Variants in PRKCB observed in about 807,000 individuals in gnomAD.
The protein encoded by PRKCB is protein kinase C beta type.
A neutral mutation model predicts 81.5 loss-of-function variants in PRKCB; 13 were observed. The ratio of observed to expected loss-of-function variants is 0.16; its 90% CI spans 0.10 to 0.25. The LOEUF (loss-of-function observed/expected upper bound fraction) is 0.25. Among genes scored for constraint, PRKCB ranks in the 10% least tolerant of loss-of-function variants. The probability of loss-of-function intolerance (pLI) is 1.00; values close to 1 mark genes in which losing one functional copy is unlikely to be tolerated. For synonymous variants in PRKCB, 335 were observed against 321.4 expected, an observed-to-expected ratio of 1.04 and a Z score of -0.45; for missense variants, 509 against 875.7, an observed-to-expected ratio of 0.58 and a Z score of 5.29.
intron 9 of PRKCB, among the ~76,000 whole-genome samples, chr16:24,138,752 T>C (rs771833498): frequency 3.9e-5 from 6 of 151,980 alleles, no homozygotes; most frequent in Non-Finnish European, 7.4e-5. Context: ...CCATTTTCTC[T>C]ACTCCCAGCC....
intron 5 of PRKCB, among the ~76,000 whole-genome samples, chr16:24,090,356 C>T (rs79990710): frequency 0.049 from 7,418 of 152,254 alleles, 223 homozygotes; most frequent in East Asian, 0.11. Context: ...CTCATTTATT[C>T]GGTCTCAACC....
intron 2 of PRKCB, among the ~76,000 whole-genome samples, chr16:23,871,578 T>A (rs566547966): frequency 6.6e-6 from 1 of 152,000 alleles, no homozygotes; most frequent in African/African-American, 2.4e-5. Context: ...TTGTTTTTTT[T>A]ATCTTTTCTT....
rs188072780 is a variant in PRKCB at position 23,882,384 on chromosome 16, A to G, written c.205+44978A>G. 7.5e-3 allele frequency among the ~76,000 whole-genome samples: 1,134 copies of G among 150,584 alleles called. 9 individuals are homozygous for G. Among genetic ancestry groups the G allele is most frequent in the Middle Eastern group, 0.055 (16 of 292 alleles). ...CAGGTGCACACTACCATGCCCAGTTAATTTTTTTTCTTGATTTTTAATAGA... is the reference window on the plus strand; with the variant it reads ...CAGGTGCACACTACCATGCCCAGTTGATTTTTTTTCTTGATTTTTAATAGA... On this transcript the variant is annotated intron_variant, in intron 2 of 16. Coordinates refer to ENST00000643927, the MANE Select transcript of PRKCB (RefSeq NM_002738.7).
chr16:24,179,573 T>C lies in PRKCB; in HGVS notation c.1395-1217T>C, dbSNP rs185973234. Among the ~76,000 whole-genome samples the C allele has an allele frequency of 6.8e-3, 1,038 of 152,334 alleles. 6 individuals are homozygous for C. The highest frequency in any genetic ancestry group is 0.011 in the Non-Finnish European group (730 of 68,026). On this transcript the variant is annotated intron_variant, in intron 12 of 16. Transcript: ENST00000643927. Reference sequence around the variant, plus strand: ...TTTAGGGAGGAGGAAAGTGTGTTGATATTGGAGCAATCTTGTGTGCTAAAG... The same window carrying C: ...TTTAGGGAGGAGGAAAGTGTGTTGACATTGGAGCAATCTTGTGTGCTAAAG...
At chr16:23,976,554 A>T (rs1307856871) in intron 2 of PRKCB, among the ~76,000 whole-genome samples, 3 of 152,184 alleles carry the variant, frequency 2.0e-5, no homozygotes, top group Non-Finnish European at 4.4e-5. Flanking sequence ...TGAGCCAGTG[A>T]AGAGCGATTC....
At chr16:24,093,535 T>C (rs960646862) in intron 6 of PRKCB, among the ~76,000 whole-genome samples, 1 of 152,230 alleles carries the variant, frequency 6.6e-6, no homozygotes, top group Admixed American at 6.5e-5. Flanking sequence ...TTATTCCCAA[T>C]GTAGCAATAG....
intron 5 of PRKCB, among the ~76,000 whole-genome samples, chr16:24,056,772 C>G (rs551335118): frequency 1.3e-5 from 2 of 152,300 alleles, no homozygotes; most frequent in African/African-American, 4.8e-5. Flanking sequence ...AGTCCCTCAC[C>G]AGAAGTGGAT....
chr16:24,055,483 G>C (rs1486737175), intron 5 of PRKCB, among the ~76,000 whole-genome samples: 1 of 152,236 alleles, frequency 6.6e-6, no homozygotes, highest in Non-Finnish European at 1.5e-5. Flanking sequence ...TCTGGCCCTT[G>C]CTGGATGCCT....
chr16:23,872,383 C>T (rs943833738), intron 2 of PRKCB, among the ~76,000 whole-genome samples: 1 of 152,072 alleles, frequency 6.6e-6, no homozygotes, highest in Non-Finnish European at 1.5e-5. Context: ...TTAGCTGGTG[C>T]GGTCGTGTGC....
At chr16:23,881,563 T>C (rs957846621) in intron 2 of PRKCB, among the ~76,000 whole-genome samples, 1 of 152,146 alleles carries the variant, frequency 6.6e-6, no homozygotes, top group Admixed American at 6.5e-5. Flanking sequence ...CATTCCCGTT[T>C]TTTAAAAAAA....
chr16:23,978,980 A>T (rs1373979892), intron 2 of PRKCB, among the ~76,000 whole-genome samples: 1 of 152,220 alleles, frequency 6.6e-6, no homozygotes, highest in Non-Finnish European at 1.5e-5. Context: ...GCAGGGAAAT[A>T]ATATCAAAGC....
At chr16:23,893,920 A>G (rs894680103) in intron 2 of PRKCB, 3 of 152,210 alleles carry the variant, frequency 2.0e-5, no homozygotes, top group Non-Finnish European at 2.9e-5. Context: ...TTCATGTATT[A>G]GTTAGGTTTT....
rs550182905 is a variant in PRKCB at position 23,860,502 on chromosome 16, T to A, written c.205+23096T>A. 1.7e-3 allele frequency among the ~76,000 whole-genome samples: 252 copies of A among 152,292 alleles called. 1 individual carries two copies. Among genetic ancestry groups the A allele is most frequent in the African/African-American group, 5.8e-3 (242 of 41,556 alleles). ...AGTTGTTAATACAGGGGTGCATTTT[T>A]AAAATATCTGAAGTATGTTACTGGT... On this transcript the variant is annotated intron_variant, in intron 2 of 16. Coordinates refer to ENST00000643927, the MANE Select transcript of PRKCB (RefSeq NM_002738.7).
At chr16:23,959,535 C>T (rs1028375011) in intron 2 of PRKCB, among the ~76,000 whole-genome samples, 2 of 152,224 alleles carry the variant, frequency 1.3e-5, no homozygotes, top group African/African-American at 4.8e-5. Flanking sequence ...AGAGGCAGCG[C>T]CTCGCAGGAA....
chr16:23,992,338 T>A (rs1218856057), intron 3 of PRKCB, among the ~76,000 whole-genome samples: 2 of 152,218 alleles, frequency 1.3e-5, no homozygotes, highest in Non-Finnish European at 2.9e-5. Flanking sequence ...ATTTGGTAAT[T>A]GGCTGCCAAA....
intron 9 of PRKCB, among the ~76,000 whole-genome samples, chr16:24,143,712 T>C (rs575282679): frequency 6.6e-4 from 100 of 152,342 alleles, no homozygotes; most frequent in Non-Finnish European, 1.1e-3. Flanking sequence ...CTCACTTGTT[T>C]GTTTCATGTA....
At chr16:23,869,070 A>G (rs780425824) in intron 2 of PRKCB, 6 of 453,448 alleles carry the variant, frequency 1.3e-5, no homozygotes, top group Admixed American at 9.4e-5. Flanking sequence ...TACAAGGATT[A>G]TACATTTCAC....
rs898834103 is a variant in PRKCB at position 24,009,602 on chromosome 16, T to TA, written c.288+21018dup. Among the ~76,000 whole-genome samples the TA allele has an allele frequency of 1.6e-4, 24 of 150,970 alleles. No homozygotes were observed. In the South Asian group the frequency reaches 1.7e-3, roughly 11 times the overall value. On this transcript the variant is annotated intron_variant, in intron 3 of 16. Transcript: ENST00000643927. ...ACCACGCCCGGCCTATTTTTTTTTTTAAAAAAGACAAGTGTTAGCAAAGAT... is the reference window on the plus strand; with the variant it reads ...ACCACGCCCGGCCTATTTTTTTTTTTAAAAAAAGACAAGTGTTAGCAAAGAT...
At chr16:24,025,419 C>T (rs750361351) in intron 3 of PRKCB, among the ~76,000 whole-genome samples, 25 of 152,202 alleles carry the variant, frequency 1.6e-4, no homozygotes, top group Non-Finnish European at 2.6e-4. Flanking sequence ...TGATGAATCC[C>T]TTAAAATAGT....
Sources: allele counts gnomAD v4.1 joint callset (sites outside exome capture counted in the v4.1 genomes callset), GRCh38; gene constraint gnomAD v4.1.1; transcripts MANE v1.5; gene names NCBI Gene and HGNC (gene_info 2026-07-23, HGNC 2026-07-21).